STAU2: variants seen among roughly 807,000 people sequenced by gnomAD.
STAU2 encodes staufen double-stranded RNA binding protein 2, also known as double-stranded RNA-binding protein Staufen homolog 2.
A neutral mutation model predicts 65.9 loss-of-function variants in STAU2; 20 were observed. That is an observed-to-expected ratio of 0.30 (90% confidence interval 0.21 to 0.44). The LOEUF (loss-of-function observed/expected upper bound fraction) is 0.44. STAU2 is among the 20% of genes least tolerant of loss of function. The pLI, the probability that STAU2 is intolerant of heterozygous loss-of-function variation, is 1.00. For synonymous variants in STAU2, 232 were observed against 233.9 expected, an observed-to-expected ratio of 0.99 and a Z score of 0.07; for missense variants, 558 against 683.9, an observed-to-expected ratio of 0.82 and a Z score of 2.05.
intron 13 of STAU2, among the ~76,000 whole-genome samples, chr8:73,433,975 G>A (rs1817512767): frequency 6.6e-6 from 1 of 151,862 alleles, no homozygotes; most frequent in Non-Finnish European, 1.5e-5. Context: ...CTCAGAGCCT[G>A]TGAACACATT....
chr8:73,597,881 G>C, intron 10 of STAU2, among the ~76,000 whole-genome samples: 1 of 152,054 alleles, frequency 6.6e-6, no homozygotes, highest in East Asian at 1.9e-4. Flanking sequence ...TCTCCATAAA[G>C]TTCTACTCAA....
intron 13 of STAU2, among the ~76,000 whole-genome samples, chr8:73,490,040 A>AAT (rs1821085213): frequency 6.6e-6 from 1 of 152,042 alleles, no homozygotes; most frequent in African/African-American, 2.4e-5. Context: ...ACCTTTGTTA[A>AAT]TTTGCTACAG....
chr8:73,451,854 T>A (rs1381636579), intron 13 of STAU2, among the ~76,000 whole-genome samples: 1 of 152,232 alleles, frequency 6.6e-6, no homozygotes, highest in Non-Finnish European at 1.5e-5. Flanking sequence ...ACCCAAACCG[T>A]GTCTATTTCA....
chr8:73,503,524 A>G (rs1585888579), intron 13 of STAU2, among the ~76,000 whole-genome samples: 1 of 150,332 alleles, frequency 6.7e-6, no homozygotes, highest in African/African-American at 2.4e-5. Flanking sequence ...AGAACTAAAC[A>G]CTCAAATGCC....
rs184498114 is a variant in STAU2, at chr8:73,421,328, C to T, written c.*44G>A. 980 of 1,504,412 alleles carry T rather than the reference C, an allele frequency of 6.5e-4. No individual in the cohort carries two copies. The highest frequency in any genetic ancestry group is 7.6e-4 in the Non-Finnish European group (844 of 1,117,354). 93.2% of individuals were successfully genotyped at this position (1,504,412 alleles called of 1,614,324 possible). A position where few individuals can be genotyped will look rare whatever the true frequency, so the allele number is the denominator to read the frequency against. ...ACACAGACACCCTCATGCGTGCTGA[C>T]AGGTTTATAAGGATGCGGTGGCAGC... On this transcript the variant is annotated 3_prime_UTR_variant, in exon 15 of 15. Transcript: ENST00000524300.
At chr8:73,688,506 G>A in intron 5 of STAU2, 148 bp downstream of exon 5, 1 of 662,760 alleles carries the variant, frequency 1.5e-6, no homozygotes, top group South Asian at 1.9e-5. Flanking sequence ...GTGTGTGTGT[G>A]TGTGTGTGTG....
At chr8:73,613,331 A>G (rs1386924265) in intron 9 of STAU2, among the ~76,000 whole-genome samples, 1 of 152,204 alleles carries the variant, frequency 6.6e-6, no homozygotes, top group African/African-American at 2.4e-5. Context: ...ACACTGGATT[A>G]GAGATCAGAG....
intron 6 of STAU2, among the ~76,000 whole-genome samples, chr8:73,664,751 G>A (rs1207420961): frequency 1.3e-5 from 2 of 152,128 alleles, no homozygotes; most frequent in African/African-American, 2.4e-5. Flanking sequence ...AGCACTTTGG[G>A]AGGACGAGGT....
chr8:73,588,043 G>T (rs1810500725), intron 11 of STAU2, among the ~76,000 whole-genome samples: 1 of 152,070 alleles, frequency 6.6e-6, no homozygotes, highest in Non-Finnish European at 1.5e-5. Context: ...TCTGAATGAA[G>T]AAAATCAAGA....
intron 6 of STAU2, among the ~76,000 whole-genome samples, chr8:73,657,531 A>G (rs1721859261): frequency 6.6e-6 from 1 of 152,222 alleles, no homozygotes; most frequent in African/African-American, 2.4e-5. Flanking sequence ...CAGTTATAGC[A>G]ATAAACGTAT....
intron 13 of STAU2, among the ~76,000 whole-genome samples, chr8:73,436,689 C>A (rs1381841455): frequency 6.6e-6 from 1 of 151,844 alleles, no homozygotes; most frequent in Non-Finnish European, 1.5e-5. Flanking sequence ...TGGGTTCAAG[C>A]AATTCTCCCT....
At chr8:73,537,499 A>G (rs919202586) in intron 13 of STAU2, among the ~76,000 whole-genome samples, 3 of 152,246 alleles carry the variant, frequency 2.0e-5, no homozygotes, top group Non-Finnish European at 4.4e-5. Flanking sequence ...CATGACCTAC[A>G]GAAGTAAAAG....
At chr8:73,660,627 T>A (rs950137702) in intron 6 of STAU2, among the ~76,000 whole-genome samples, 1 of 152,248 alleles carries the variant, frequency 6.6e-6, no homozygotes, top group Non-Finnish European at 1.5e-5. Flanking sequence ...CCAGCTTGAA[T>A]GGCTATCAAG....
intron 5 of STAU2, among the ~76,000 whole-genome samples, chr8:73,685,843 A>C (rs1329675526): frequency 2.6e-5 from 4 of 152,226 alleles, no homozygotes; most frequent in African/African-American, 9.6e-5. Flanking sequence ...TGAAAGAGAC[A>C]CTTGTATACA....
chr8:73,663,297 C>T (rs1375745848), intron 6 of STAU2, among the ~76,000 whole-genome samples: 1 of 152,110 alleles, frequency 6.6e-6, no homozygotes, highest in African/African-American at 2.4e-5. Flanking sequence ...TGTAAAATAT[C>T]ATTTTATTTT....
At chr8:73,435,907 G>A (rs577859400) in intron 13 of STAU2, among the ~76,000 whole-genome samples, 1 of 151,760 alleles carries the variant, frequency 6.6e-6, no homozygotes, top group Non-Finnish European at 1.5e-5. Flanking sequence ...CCCGAGAGGA[G>A]CCTGGGTCTG....
chr8:73,743,647 A>T (rs1295241007), intron 1 of STAU2, among the ~76,000 whole-genome samples: 4 of 148,456 alleles, frequency 2.7e-5, no homozygotes, highest in African/African-American at 1.0e-4. Context: ...CTAATTTTAC[A>T]TTTTTAGTAG....
chr8:73,504,859 G>A (rs971447876), intron 13 of STAU2, among the ~76,000 whole-genome samples: 11 of 152,032 alleles, frequency 7.2e-5, no homozygotes, highest in Non-Finnish European at 1.5e-4. Flanking sequence ...TTAACTTAGA[G>A]AATTCAAGGT....
At chr8:73,583,064 A>C (rs1349407448) in intron 11 of STAU2, among the ~76,000 whole-genome samples, 1 of 152,126 alleles carries the variant, frequency 6.6e-6, no homozygotes, top group Non-Finnish European at 1.5e-5. Context: ...TGATCATGTA[A>C]ATTTATAATT....
Sources: gnomAD v4.1 joint callset for allele counts (sites outside exome capture counted in the v4.1 genomes callset) on GRCh38, gnomAD v4.1.1 for gene constraint, MANE v1.5 for transcripts, NCBI Gene and HGNC (gene_info 2026-07-23, HGNC 2026-07-21) for gene names.